CALN1: variants seen among roughly 807,000 people sequenced by gnomAD.
The protein encoded by CALN1 is calneuron 1, also known as calcium-binding protein 8.
Under a neutral mutation model 30.6 loss-of-function variants are expected in CALN1, and 17 were observed. The ratio of observed to expected loss-of-function variants is 0.56; its 90% CI spans 0.38 to 0.83. The LOEUF is 0.83. CALN1 is among the 40% of genes least tolerant of loss of function. The probability of loss-of-function intolerance (pLI) is 0.00; values close to 1 mark genes in which losing one functional copy is unlikely to be tolerated. For missense variants in CALN1, 291 were observed against 354.9 expected (o/e 0.82, Z 1.45); for synonymous variants, 156 against 131.4 (o/e 1.19, Z -1.28).
intron 1 of CALN1, among the ~76,000 whole-genome samples, chr7:72,406,286 C>T (rs915187195): frequency 3.3e-5 from 5 of 152,152 alleles, no homozygotes; most frequent in East Asian, 1.9e-4. Flanking sequence ...GGCATCTGCA[C>T]ATAAGACAGA....
chr7:72,149,695 C>G (rs1787069827), intron 3 of CALN1, among the ~76,000 whole-genome samples: 2 of 152,094 alleles, frequency 1.3e-5, no homozygotes, highest in Non-Finnish European at 2.9e-5. Context: ...GATTTGTTCT[C>G]CTATCTCCTC....
chr7:72,312,502 G>C (rs1800123463), intron 2 of CALN1, among the ~76,000 whole-genome samples: 1 of 151,968 alleles, frequency 6.6e-6, no homozygotes, highest in Non-Finnish European at 1.5e-5. Context: ...AGACAGCGCT[G>C]GGCCACTTTG....
In CALN1 at chr7:72,106,262, C is replaced by T. The variant is rs1563063132; in HGVS notation, c.277G>A (p.Asp93Asn). Residue 93 changes from aspartate to asparagine, a missense_variant, in exon 4 of 7, where the codon GAT becomes AAT. By Grantham distance (23) the Asp-to-Asn change is conservative. Around this residue, in one of 2 missense-constraint regions of CALN1, gnomAD observed 169 missense variants for 251.7 expected, o/e 0.67. Coordinates refer to ENST00000395275, the MANE Select transcript of CALN1 (RefSeq NM_031468.4). ...TGCTTGGAGATGAAGCCGTTCCCAT[C>T]CCGGTCCAGAACCCGAAAGGCCTCT... ...IREAFRVLDR[D>N]GNGFISKQEL... 1 of 1,614,092 alleles carries T rather than the reference C, an allele frequency of 6.2e-7. No individual in the cohort carries two copies. The highest frequency in any genetic ancestry group is 2.2e-5 in the East Asian group (1 of 44,828).
the CALN1 span, among the ~76,000 whole-genome samples, chr7:72,477,192 C>T: frequency 6.7e-6 from 1 of 149,574 alleles, no homozygotes; most frequent in South Asian, 2.1e-4. Context: ...GCCTGGATGA[C>T]AGAGCAAGAC....
chr7:72,357,653 T>C (rs895239937), intron 2 of CALN1, among the ~76,000 whole-genome samples: 1 of 151,474 alleles, frequency 6.6e-6, no homozygotes, highest in Admixed American at 6.6e-5. Context: ...ACAACAGTAG[T>C]TGAAAAAACT....
intron 2 of CALN1, among the ~76,000 whole-genome samples, chr7:72,300,144 T>C (rs942154000): frequency 6.6e-6 from 1 of 151,966 alleles, no homozygotes; most frequent in African/African-American, 2.4e-5. Flanking sequence ...CCTCCCAAAG[T>C]GCTGGGATTA....
At chr7:72,118,788 G>C (rs1056323866) in intron 3 of CALN1, among the ~76,000 whole-genome samples, 3 of 152,192 alleles carry the variant, frequency 2.0e-5, no homozygotes, top group Admixed American at 6.5e-5. Context: ...AAGATGTCAA[G>C]TCAGAAGGAA....
chr7:72,393,715 C>T (rs1487465885), intron 2 of CALN1, among the ~76,000 whole-genome samples: 8 of 149,354 alleles, frequency 5.4e-5, no homozygotes, highest in Admixed American at 4.0e-4. Context: ...GCCTAGGAGT[C>T]GGCCATTTAG....
chr7:72,163,392 T>TA lies in CALN1; in HGVS notation c.245-57099dup, dbSNP rs55881217. ...TACAAGAAAAAAACTTATTGGAGAT[T>TA]AAAAAAAAAAAAAAAAAACAGAAAA... On this transcript the variant is annotated intron_variant, in intron 3 of 6. Coordinates refer to ENST00000395275, the MANE Select transcript of CALN1 (RefSeq NM_031468.4). Among the ~76,000 whole-genome samples, 369 of 79,260 alleles carry TA rather than the reference T, an allele frequency of 4.7e-3. 1 individual carries two copies. Among genetic ancestry groups the TA allele is most frequent in the Middle Eastern group, 0.036 (5 of 138 alleles). 52.0% of individuals were successfully genotyped at this position (79,260 alleles called of 152,430 possible).
At chr7:72,361,920 A>C (rs939338182) in intron 2 of CALN1, among the ~76,000 whole-genome samples, 78 of 148,886 alleles carry the variant, frequency 5.2e-4, no homozygotes, top group African/African-American at 1.8e-3. Flanking sequence ...AAAGAGAAAA[A>C]AGATTTTAAG....
intron 2 of CALN1, among the ~76,000 whole-genome samples, chr7:72,348,393 A>C (rs1802752614): frequency 6.6e-6 from 1 of 152,202 alleles, no homozygotes; most frequent in South Asian, 2.1e-4. Flanking sequence ...GGGTCTCACT[A>C]AATTGAGGGA....
chr7:72,411,892 T>C (rs997926179), intron 1 of CALN1, among the ~76,000 whole-genome samples, 166 bp downstream of exon 1: 1 of 152,188 alleles, frequency 6.6e-6, no homozygotes, highest in Non-Finnish European at 1.5e-5. Flanking sequence ...CAACTCTCTT[T>C]TAGAGAGGTA....
intron 2 of CALN1, chr7:72,336,674 G>C (rs1037152455): frequency 3.0e-4 from 300 of 984,852 alleles, no homozygotes; most frequent in Non-Finnish European, 3.5e-4. Flanking sequence ...GCGCGCGCGG[G>C]TAAGCTAGGG....
chr7:72,231,262 T>C (rs1157334522), intron 3 of CALN1, among the ~76,000 whole-genome samples: 3 of 152,196 alleles, frequency 2.0e-5, no homozygotes, highest in Non-Finnish European at 4.4e-5. Flanking sequence ...ATTAGCTATT[T>C]TTCCTAATGC....
intron 5 of CALN1, among the ~76,000 whole-genome samples, chr7:71,912,645 T>G (rs757647670): frequency 4.3e-4 from 65 of 152,162 alleles, no homozygotes; most frequent in Non-Finnish European, 8.1e-4. Context: ...CCGCTGAACT[T>G]GGCAGTAGAG....
At chr7:72,368,675 C>T (rs1162187689) in intron 2 of CALN1, among the ~76,000 whole-genome samples, 1 of 151,920 alleles carries the variant, frequency 6.6e-6, no homozygotes, top group African/African-American at 2.4e-5. Flanking sequence ...ACGCTTTCTC[C>T]CAAATGACCA....
In CALN1 at chr7:72,274,963, G is replaced by A. The variant is rs201169843; in HGVS notation, c.244+3723C>T. 1.6e-4 allele frequency among the ~76,000 whole-genome samples: 25 copies of A among 152,222 alleles called. No individual in the cohort carries two copies. The East Asian group carries it at 2.7e-3, about 16-fold the overall frequency. On this transcript the variant is annotated intron_variant, in intron 3 of 6. Coordinates refer to ENST00000395275, the MANE Select transcript of CALN1 (RefSeq NM_031468.4). ...GGAATTGCAGCTGAAAATGACCTGC[G>A]TGGCAAGTGGTCCTTTTCATGCCTG... is the stretch of plus-strand genomic sequence containing the variant.
At chr7:72,266,451 T>C (rs1796602820) in intron 3 of CALN1, among the ~76,000 whole-genome samples, 1 of 152,202 alleles carries the variant, frequency 6.6e-6, no homozygotes, top group Non-Finnish European at 1.5e-5. Context: ...AGGTAACTGG[T>C]GTTTAACTTT....
At chr7:72,055,484 A>C (rs563504094) in intron 4 of CALN1, among the ~76,000 whole-genome samples, 4 of 152,296 alleles carry the variant, frequency 2.6e-5, no homozygotes, top group African/African-American at 9.6e-5. Flanking sequence ...ACACAAATAG[A>C]TATGGTAATC....
Sources: gnomAD v4.1 joint callset for allele counts (sites outside exome capture counted in the v4.1 genomes callset) on GRCh38, gnomAD v4.1.1 for gene constraint, gnomAD v4.1.1 regional missense constraint, MANE v1.5 for transcripts, NCBI Gene and HGNC (gene_info 2026-07-23, HGNC 2026-07-21) for gene names.